UNC13C: variants seen among roughly 807,000 people sequenced by gnomAD.
UNC13C encodes unc-13 homolog C, also known as protein unc-13 homolog C.
A neutral mutation model predicts 245.4 loss-of-function variants in UNC13C; 174 were observed. That is an observed-to-expected ratio of 0.71 (90% CI 0.63 to 0.80). UNC13C has a LOEUF of 0.80. Ranked by LOEUF, UNC13C falls within the 30% of genes least tolerant of loss-of-function variation. The pLI is 0.00. For synonymous variants in UNC13C, 992 were observed against 895.1 expected, an observed-to-expected ratio of 1.11 and a Z score of -1.93; for missense variants, 2,829 against 2,602.9, an observed-to-expected ratio of 1.09 and a Z score of -1.89.
At chr15:54,464,737 A>C (rs1183903248) in intron 19 of UNC13C, among the ~76,000 whole-genome samples, 2 of 152,122 alleles carry the variant, frequency 1.3e-5, no homozygotes, top group Non-Finnish European at 2.9e-5. Flanking sequence ...CAGATTATCC[A>C]GTAGAAAATG....
intron 19 of UNC13C, among the ~76,000 whole-genome samples, chr15:54,448,143 T>C (rs1890937238): frequency 6.6e-6 from 1 of 152,224 alleles, no homozygotes; most frequent in Non-Finnish European, 1.5e-5. Flanking sequence ...GAGAGACAGT[T>C]TGTTATAATT....
the UNC13C span, among the ~76,000 whole-genome samples, chr15:53,881,779 G>A: frequency 6.6e-6 from 1 of 152,136 alleles, no homozygotes; most frequent in African/African-American, 2.4e-5. Context: ...TTTCAATGGC[G>A]TTCCAAGAAG....
At chr15:54,134,698 T>C (rs988023093) in intron 2 of UNC13C, among the ~76,000 whole-genome samples, 16 of 152,076 alleles carry the variant, frequency 1.1e-4, no homozygotes, top group Admixed American at 3.9e-4. Context: ...TTTTTTTTTG[T>C]ATTTTTAGTA....
intron 26 of UNC13C, among the ~76,000 whole-genome samples, chr15:54,545,098 A>T (rs547037496): frequency 2.0e-5 from 3 of 152,330 alleles, no homozygotes; most frequent in Admixed American, 6.5e-5. Context: ...ACCAGAACAG[A>T]TATATAGACC....
chr15:54,108,561 A>G (rs964805950), intron 2 of UNC13C, among the ~76,000 whole-genome samples: 1 of 152,178 alleles, frequency 6.6e-6, no homozygotes. Flanking sequence ...TAAAATAATC[A>G]TAGTATTATA....
At chr15:54,533,997 A>G (rs569224460) in intron 26 of UNC13C, among the ~76,000 whole-genome samples, 19 of 152,326 alleles carry the variant, frequency 1.2e-4, no homozygotes, top group African/African-American at 4.6e-4. Context: ...GTGGCAAACT[A>G]ATATCAAAAG....
intron 2 of UNC13C, among the ~76,000 whole-genome samples, chr15:54,078,327 G>T (rs62009838): frequency 6.6e-6 from 1 of 152,136 alleles, no homozygotes. Context: ...TTTATAGAAT[G>T]ATTTATTTTC....
At chr15:53,928,521 C>T in the UNC13C span, among the ~76,000 whole-genome samples, 1 of 152,250 alleles carries the variant, frequency 6.6e-6, no homozygotes, top group Non-Finnish European at 1.5e-5. Context: ...TTGTTTATGG[C>T]CAGTTTTGGG....
At position 54,623,788 on chromosome 15, in the gene UNC13C, T is replaced by C; in HGVS notation, c.6200-7T>C. On this transcript the variant is annotated splice_polypyrimidine_tract_variant and splice_region_variant and intron_variant, in intron 31 of 32. Coordinates refer to ENST00000260323, the MANE Select transcript of UNC13C (RefSeq NM_001080534.3). ...TTTGCTAAAATGTGATATTTCCTTT[T>C]TTTTAGTGATTGCTATTAATGACCT... 1 of 1,607,202 alleles carries C rather than the reference T, an allele frequency of 6.2e-7. No individual in the cohort carries two copies. Among genetic ancestry groups the C allele is most frequent in the Non-Finnish European group, 8.5e-7 (1 of 1,176,912 alleles).
the UNC13C span, among the ~76,000 whole-genome samples, chr15:53,958,705 G>T: frequency 6.6e-6 from 1 of 152,056 alleles, no homozygotes; most frequent in Admixed American, 6.6e-5. Context: ...GTATTTTGGG[G>T]ATCCACATGA....
intron 1 of UNC13C, among the ~76,000 whole-genome samples, chr15:53,995,528 C>T (rs1396183954): frequency 1.6e-5 from 2 of 124,498 alleles, no homozygotes; most frequent in Non-Finnish European, 3.2e-5. Flanking sequence ...TACTTGACTG[C>T]TTAAGTAAAA....
At chr15:54,171,492 A>G (rs1422420185) in intron 4 of UNC13C, among the ~76,000 whole-genome samples, 2 of 152,294 alleles carry the variant, frequency 1.3e-5, no homozygotes, top group African/African-American at 2.4e-5. Context: ...GCAAACAGGT[A>G]TATGAAAAAG....
chr15:54,078,964 A>G (rs1174611588), intron 2 of UNC13C, among the ~76,000 whole-genome samples: 1 of 152,088 alleles, frequency 6.6e-6, no homozygotes, highest in Non-Finnish European at 1.5e-5. Flanking sequence ...TAAGTCCTTC[A>G]CCCATCTTGA....
rs1387985412 is a variant in UNC13C, at chr15:54,627,839, A to ATGTC, written c.*728_*731dup. 6.6e-6 allele frequency: 1 copy of ATGTC among 152,578 alleles called. No homozygotes were observed. The highest frequency in any genetic ancestry group is 2.4e-5 in the African/African-American group (1 of 41,456). The allele number at this position is 152,578 out of a possible 1,614,324, so 9.5% of individuals were successfully genotyped here. On this transcript the variant is annotated 3_prime_UTR_variant, in exon 33 of 33. Transcript: ENST00000260323. ...GTTAATGCATTTGTCATATAGTGTT[A>ATGTC]TGTCTTGGCTTTACCATATTTCATT...
chr15:54,464,698 A>G (rs568020098), intron 19 of UNC13C, among the ~76,000 whole-genome samples: 1 of 152,260 alleles, frequency 6.6e-6, no homozygotes, highest in African/African-American at 2.4e-5. Flanking sequence ...TCACATACAT[A>G]GAAGAGGTGG....
At chr15:54,445,303 T>C (rs1017173440) in intron 19 of UNC13C, among the ~76,000 whole-genome samples, 10 of 152,200 alleles carry the variant, frequency 6.6e-5, no homozygotes, top group African/African-American at 2.2e-4. Context: ...TGTAGCAGCA[T>C]GATTTATAAT....
At chr15:54,036,320 T>G (rs1896575657) in intron 2 of UNC13C, among the ~76,000 whole-genome samples, 1 of 152,208 alleles carries the variant, frequency 6.6e-6, no homozygotes, top group South Asian at 2.1e-4. Flanking sequence ...TTGATCATTC[T>G]GTAGTGCCCA....
At chr15:54,297,227 AAT>A (rs755720555) in intron 11 of UNC13C, among the ~76,000 whole-genome samples, 12 of 152,364 alleles carry the variant, frequency 7.9e-5, no homozygotes, top group Non-Finnish European at 1.5e-4. Context: ...AATACACAGA[AAT>A]ATATGAGAAT....
At chr15:54,237,526 T>A (rs1330476881) in intron 6 of UNC13C, 93 bp from the exon 7 acceptor site, 1 of 907,936 alleles carries the variant, frequency 1.1e-6, no homozygotes, top group Non-Finnish European at 1.8e-6. Flanking sequence ...TGAACAGTGA[T>A]AGCCCATATT....
Sources: allele counts gnomAD v4.1 joint callset (sites outside exome capture counted in the v4.1 genomes callset), GRCh38; gene constraint gnomAD v4.1.1; transcripts MANE v1.5; gene names NCBI Gene and HGNC (gene_info 2026-07-23, HGNC 2026-07-21).